GLIS3: variants seen among roughly 807,000 people sequenced by gnomAD.
GLIS3 encodes the protein zinc finger protein GLIS3.
Under a neutral mutation model 78.6 loss-of-function variants are expected in GLIS3, and 53 were observed. That is an observed-to-expected ratio of 0.67 (90% CI 0.54 to 0.85). The LOEUF is 0.85. Ranked by LOEUF, GLIS3 falls within the 40% of genes least tolerant of loss-of-function variation. GLIS3 has a pLI of 0.00. For missense variants in GLIS3, 1,703 were observed against 1,231.1 expected (o/e 1.38, Z -5.74); for synonymous variants, 684 against 509.9 (o/e 1.34, Z -4.60).
the GLIS3 span, among the ~76,000 whole-genome samples, chr9:4,457,633 G>T: frequency 2.0e-5 from 3 of 151,832 alleles, no homozygotes; most frequent in Non-Finnish European, 4.4e-5. Context: ...GGATCATGAG[G>T]TCAGGAGATC....
intron 2 of GLIS3, among the ~76,000 whole-genome samples, chr9:4,345,255 G>C (rs1371520344): frequency 6.6e-6 from 1 of 152,074 alleles, no homozygotes; most frequent in South Asian, 2.1e-4. Flanking sequence ...AACACACTTA[G>C]CCAGTTTTCT....
At chr9:4,488,756 G>A in the GLIS3 span, among the ~76,000 whole-genome samples, 2 of 152,194 alleles carry the variant, frequency 1.3e-5, no homozygotes, top group Non-Finnish European at 2.9e-5. Context: ...GACCTCAAGT[G>A]ATCCGCCTGC....
the GLIS3 span, among the ~76,000 whole-genome samples, chr9:4,459,239 G>T: frequency 7.2e-5 from 11 of 152,182 alleles, no homozygotes; most frequent in Non-Finnish European, 1.3e-4. Context: ...ATATGTGAAG[G>T]TTGTCAGCAT....
At chr9:4,067,947 T>C (rs1827244419) in intron 4 of GLIS3, among the ~76,000 whole-genome samples, 1 of 151,950 alleles carries the variant, frequency 6.6e-6, no homozygotes, top group Non-Finnish European at 1.5e-5. Context: ...TATCCACTAG[T>C]GTCATCATTC....
chr9:4,454,829 G>A, the GLIS3 span, among the ~76,000 whole-genome samples: 14 of 152,086 alleles, frequency 9.2e-5, no homozygotes, highest in African/African-American at 3.1e-4. Context: ...TTTCTTTACT[G>A]GCACCCTGAA....
At position 3,977,501 on chromosome 9, in the gene GLIS3, C is replaced by T. The variant is rs775010695; in HGVS notation, c.1711-40312G>A. Among the ~76,000 whole-genome samples the T allele has an allele frequency of 8.5e-5, 13 of 152,048 alleles. No individual in the cohort carries two copies. The highest frequency in any genetic ancestry group is 1.3e-4 in the Non-Finnish European group (9 of 68,010). The stretch of plus-strand genomic sequence containing the variant: ...GATTTATTGAATTCCTTTTGGCACC[C>T]GGCACAGCTTAGCAATTTTGAGAGC... On this transcript the variant is annotated intron_variant, in intron 4 of 10. Coordinates refer to ENST00000381971, the MANE Select transcript of GLIS3 (RefSeq NM_001042413.2). The surrounding 1 kb of genome is among the most constrained non-coding windows in gnomAD (Gnocchi z 4.1).
At chr9:4,294,752 T>C (rs531222797) in intron 1 of GLIS3, among the ~76,000 whole-genome samples, 3 of 152,356 alleles carry the variant, frequency 2.0e-5, no homozygotes, top group South Asian at 2.1e-4. Context: ...AGCCCTTACA[T>C]GTACACAGAT....
Position 4,299,402 on chromosome 9 carries a change from TC to T in GLIS3, c.-99+18del, listed in dbSNP as rs1241252546. On this transcript the variant is annotated intron_variant, in intron 1 of 10. Transcript: ENST00000381971. The stretch of plus-strand genomic sequence containing the variant: ...CTCGTCTCTCGCCTGCGAGCAAAGT[TC>T]CTATGGCATCCACTTACCAGGTAAC... 2.0e-5 allele frequency: 3 copies of T among 152,306 alleles called. No homozygotes were observed. Among genetic ancestry groups the T allele is most frequent in the Admixed American group, 2.0e-4 (3 of 15,288 alleles). 9.4% of individuals were successfully genotyped at this position (152,306 alleles called of 1,614,324 possible).
intron 2 of GLIS3, among the ~76,000 whole-genome samples, chr9:4,162,672 C>T (rs544922967): frequency 1.2e-4 from 18 of 151,860 alleles, no homozygotes; most frequent in South Asian, 2.1e-4. Flanking sequence ...CTGGCTAACA[C>T]GGTGAAATCC....
chr9:4,323,942 AT>A (rs1787400450), intron 2 of GLIS3, among the ~76,000 whole-genome samples: 1 of 152,208 alleles, frequency 6.6e-6, no homozygotes, highest in South Asian at 2.1e-4. Context: ...ACTTTGTTAT[AT>A]TTTTAGCACC....
At position 4,177,721 on chromosome 9, in the gene GLIS3, C is replaced by G. The variant is rs368651838; in HGVS notation, c.389-51780G>C. 5.1e-4 allele frequency among the ~76,000 whole-genome samples: 78 copies of G among 152,320 alleles called. No homozygotes were observed. In the East Asian group the frequency reaches 0.011, roughly 22 times the overall value. On this transcript the variant is annotated intron_variant, in intron 2 of 10. Coordinates refer to ENST00000381971, the MANE Select transcript of GLIS3 (RefSeq NM_001042413.2). ...GTTTGGAAAGCCAGCATCCAAGAGA[C>G]ATAGTAAGAAATCTTCATATGGAAA...
intron 4 of GLIS3, among the ~76,000 whole-genome samples, chr9:4,025,254 A>G (rs1005207543): frequency 1.3e-5 from 2 of 152,302 alleles, no homozygotes; most frequent in South Asian, 4.1e-4. Context: ...CGTCTCAAAA[A>G]AAAAAGAAAA....
chr9:4,029,039 G>A (rs916158688), intron 4 of GLIS3, among the ~76,000 whole-genome samples: 84 of 152,200 alleles, frequency 5.5e-4, no homozygotes, highest in African/African-American at 1.9e-3. Context: ...AGAAGGAGGT[G>A]TATTTTGTAG....
chr9:4,402,618 A>G, the GLIS3 span, among the ~76,000 whole-genome samples: 32 of 152,332 alleles, frequency 2.1e-4, 1 homozygote, highest in Admixed American at 1.1e-3. Flanking sequence ...AAATTTAACA[A>G]AAAGATTGAA....
chr9:3,829,979 C>T (rs1470182055), intron 9 of GLIS3, among the ~76,000 whole-genome samples: 2 of 152,142 alleles, frequency 1.3e-5, no homozygotes, highest in Non-Finnish European at 2.9e-5. Flanking sequence ...AATACATGCA[C>T]ATTTAGATCT....
chr9:4,313,356 T>G (rs527798070), intron 2 of GLIS3, among the ~76,000 whole-genome samples: 2 of 152,324 alleles, frequency 1.3e-5, no homozygotes, highest in East Asian at 3.9e-4. Context: ...TTCTGCTCAC[T>G]GTGCCACCTC....
At chr9:4,379,019 C>T in the GLIS3 span, among the ~76,000 whole-genome samples, 3,335 of 152,198 alleles carry the variant, frequency 0.022, 121 homozygotes, top group African/African-American at 0.075. Flanking sequence ...AGTGAAAATG[C>T]TATATAAGCT....
chr9:4,318,072 T>C (rs1817466966), intron 2 of GLIS3, among the ~76,000 whole-genome samples: 1 of 152,206 alleles, frequency 6.6e-6, no homozygotes, highest in African/African-American at 2.4e-5. Flanking sequence ...AAGTAAGTTA[T>C]TTCAGCAGCT....
chr9:4,110,813 A>T (rs1032400644), intron 4 of GLIS3, among the ~76,000 whole-genome samples: 18 of 152,210 alleles, frequency 1.2e-4, no homozygotes, highest in Admixed American at 6.5e-5. Flanking sequence ...AAAAATAAAC[A>T]TCTCTTTCCC....
Sources: gnomAD v4.1 joint callset for allele counts (sites outside exome capture counted in the v4.1 genomes callset) on GRCh38, gnomAD v4.1.1 for gene constraint, Gnocchi (gnomAD v3.1) non-coding constraint, MANE v1.5 for transcripts, NCBI Gene and HGNC (gene_info 2026-07-23, HGNC 2026-07-21) for gene names.